Variants in BTG2 observed in about 807,000 individuals in gnomAD.
BTG2 encodes the protein protein BTG2.
A neutral mutation model predicts 13.1 loss-of-function variants in BTG2; 9 were observed. The observed-to-expected ratio is 0.69, with a 90% confidence interval of 0.41 to 1.20. BTG2 has a LOEUF of 1.20. Ranked by LOEUF, BTG2 falls within the 50% of genes most tolerant of loss-of-function variation. The probability of loss-of-function intolerance (pLI) is 0.00; values close to 1 mark genes in which losing one functional copy is unlikely to be tolerated. For synonymous variants in BTG2, 92 were observed against 88.6 expected (o/e 1.04, Z -0.21); for missense variants, 200 against 209.5 (o/e 0.95, Z 0.28).
rs57122004 is a variant in BTG2 at position 203,307,087 on chromosome 1, T to G, written c.143-17T>G. 1.2e-6 allele frequency: 2 copies of G among 1,609,056 alleles called. No individual in the cohort carries two copies. The highest frequency in any genetic ancestry group is 2.7e-5 in the African/African-American group (2 of 74,806). ...CTGCTCTAACCAGGGCATCTGCCCCTGGTCCTGTCTCCACAGAGCACTACA... is the reference window on the plus strand; with the variant it reads ...CTGCTCTAACCAGGGCATCTGCCCCGGGTCCTGTCTCCACAGAGCACTACA... On this transcript the variant is annotated splice_polypyrimidine_tract_variant and intron_variant, in intron 1 of 1. Coordinates refer to ENST00000290551, the MANE Select transcript of BTG2 (RefSeq NM_006763.3).
Position 203,305,648 on chromosome 1 carries a change from C to A in BTG2, c.42C>A (p.Ala14=), listed in dbSNP as rs1172115154. The A allele has an allele frequency of 4.4e-6, 7 of 1,585,668 alleles. No individual in the cohort carries two copies. The highest frequency in any genetic ancestry group is 6.0e-6 in the Non-Finnish European group (7 of 1,166,478). ...GAACCGACATGCTCCCGGAGATCGC[C>A]GCCGCCGTGGGCTTCCTCTCCAGCC... ...GKGTDMLPEI[A]AAVGFLSSLL... The change falls in exon 1 of 2, where the codon GCC becomes GCA. Residue 14 remains alanine, a synonymous_variant. Transcript: ENST00000290551.
rs1180672774 is a variant in BTG2, at chr1:203,307,414, C to T, written c.453C>T (p.Asn151=). The stretch of plus-strand genomic sequence containing the variant: ...TGGGCCGGAGCAGCCCCTCCAAGAA[C>T]TACGTGATGGCAGTCTCCAGCTAGG... ...VLLGRSSPSK[N]YVMAVSS Residue 151 remains asparagine, a synonymous_variant, in exon 2 of 2, where the codon AAC becomes AAT. Transcript: ENST00000290551. The T allele has an allele frequency of 1.3e-6, 2 of 1,596,766 alleles. No individual in the cohort carries two copies. Among genetic ancestry groups the T allele is most frequent in the South Asian group, 2.2e-5 (2 of 90,182 alleles).
In BTG2 at chr1:203,307,371, G is replaced by T; in HGVS notation, c.410G>T (p.Cys137Phe). The change falls in exon 2 of 2, where the codon TGC (cysteine) becomes TTC (phenylalanine). Residue 137 changes from cysteine (C) to phenylalanine (F), a missense_variant. Cys to Phe is a radical substitution (Grantham distance 205). Coordinates refer to ENST00000290551, the MANE Select transcript of BTG2 (RefSeq NM_006763.3). ...GCCGCCTCCTGTGGGCTCCTCACCT[G>T]CAAGAACCAAGTGCTGCTGGGCCGG... The part of the protein sequence containing the change: ...PLAASCGLLT[C>F]KNQVLLGRSS... The T allele has an allele frequency of 6.2e-7, 1 of 1,612,138 alleles. No homozygotes were observed. Among genetic ancestry groups the T allele is most frequent in the Non-Finnish European group, 8.5e-7 (1 of 1,178,474 alleles).
chr1:203,306,427 T>G (rs545240887), intron 1 of BTG2, among the ~76,000 whole-genome samples: 3 of 152,196 alleles, frequency 2.0e-5, no homozygotes, highest in Admixed American at 6.5e-5. Context: ...CCCAGCTGTT[T>G]CTAGCTGGTT....
In BTG2 at chr1:203,308,812, A is replaced by T. The variant is rs2102286737; in HGVS notation, c.*1374A>T. 1 of 152,774 alleles carries T rather than the reference A, an allele frequency of 6.5e-6. No individual in the cohort carries two copies. The highest frequency in any genetic ancestry group is 2.4e-5 in the African/African-American group (1 of 41,564). The allele number at this position is 152,774 out of a possible 1,614,324, so 9.5% of individuals were successfully genotyped here. ...ATCCAAATTTGTCGTAGACTTGTGC[A>T]ATATATACTGTTGTGGGTTGGAGAA... On this transcript the variant is annotated 3_prime_UTR_variant, in exon 2 of 2. Coordinates refer to ENST00000290551, the MANE Select transcript of BTG2 (RefSeq NM_006763.3).
At chr1:203,306,258 T>C (rs564089313) in intron 1 of BTG2, among the ~76,000 whole-genome samples, 1 of 152,282 alleles carries the variant, frequency 6.6e-6, no homozygotes, top group African/African-American at 2.4e-5. Context: ...CAAGTTGGAA[T>C]TTGGGCCCCC....
rs573806620 is a variant in BTG2, at chr1:203,306,830, T to A, written c.143-274T>A. Reference sequence around the variant, plus strand: ...CACACACACACACACACTCTCTCTCTCACACACACACACTCAGTCACACAC... The same window carrying A: ...CACACACACACACACACTCTCTCTCACACACACACACACTCAGTCACACAC... On this transcript the variant is annotated intron_variant, in intron 1 of 1. Transcript: ENST00000290551. 2.9e-3 allele frequency among the ~76,000 whole-genome samples: 398 copies of A among 136,614 alleles called. 2 individuals are homozygous for A. Among genetic ancestry groups the A allele is most frequent in the African/African-American group, 9.1e-3 (351 of 38,496 alleles). 89.6% of individuals were successfully genotyped at this position (136,614 alleles called of 152,430 possible).
At position 203,307,552 on chromosome 1, in the gene BTG2, TA is replaced by T. The variant is rs569803446; in HGVS notation, c.*115del. 9.2e-5 allele frequency: 73 copies of T among 797,508 alleles called. No homozygotes were observed. The highest frequency in any genetic ancestry group is 7.2e-4 in the African/African-American group (40 of 55,606). The allele number at this position is 797,508 out of a possible 1,614,324, so 49.4% of individuals were successfully genotyped here. On this transcript the variant is annotated 3_prime_UTR_variant, in exon 2 of 2. Transcript: ENST00000290551. ...TAAATGAAGAGCTATTTATATATATTATTTTTTTTTAAGAAAGGAGGAAAAG... is the reference window on the plus strand; with the variant it reads ...TAAATGAAGAGCTATTTATATATATTTTTTTTTTTAAGAAAGGAGGAAAAG...
chr1:203,307,325 T>C lies in BTG2; in HGVS notation c.364T>C (p.Leu122=), dbSNP rs771882586. ...TGGGGAGGACGGCTCCATCTGCGTC[T>C]TGTACGAGGAGGCCCCACTGGCCGC... ...RIGEDGSICV[L]YEEAPLAASC... The change falls in exon 2 of 2, where the codon TTG becomes CTG. Residue 122 remains leucine (L), a synonymous_variant. Coordinates refer to ENST00000290551, the MANE Select transcript of BTG2 (RefSeq NM_006763.3). The C allele has an allele frequency of 1.8e-5, 29 of 1,614,084 alleles. No homozygotes were observed. The highest frequency in any genetic ancestry group is 2.5e-5 in the Non-Finnish European group (29 of 1,179,956).
chr1:203,306,376 G>A (rs1658273856), intron 1 of BTG2, among the ~76,000 whole-genome samples: 1 of 152,196 alleles, frequency 6.6e-6, no homozygotes, highest in Admixed American at 6.5e-5. Context: ...GGGAGGTGAA[G>A]AGATAAGCAG....
rs1658330835 is a variant in BTG2 at position 203,308,806 on chromosome 1, T to G, written c.*1368T>G. On this transcript the variant is annotated 3_prime_UTR_variant, in exon 2 of 2. Coordinates refer to ENST00000290551, the MANE Select transcript of BTG2 (RefSeq NM_006763.3). ...AGTACAATCCAAATTTGTCGTAGAC[T>G]TGTGCAATATATACTGTTGTGGGTT... 1.3e-5 allele frequency: 2 copies of G among 152,684 alleles called. No individual in the cohort carries two copies. Among genetic ancestry groups the G allele is most frequent in the Non-Finnish European group, 2.9e-5 (2 of 68,052 alleles). The allele number at this position is 152,684 out of a possible 1,614,324, so 9.5% of individuals were successfully genotyped here. A position where few individuals can be genotyped will look rare whatever the true frequency, so the allele number is the denominator to read the frequency against.
rs755200538 is a variant in BTG2, at chr1:203,307,449, C to T, written c.*11C>T. On this transcript the variant is annotated 3_prime_UTR_variant, in exon 2 of 2. Coordinates refer to ENST00000290551, the MANE Select transcript of BTG2 (RefSeq NM_006763.3). The stretch of plus-strand genomic sequence containing the variant: ...GCAGTCTCCAGCTAGGCCCTTCCGC[C>T]CCCGCCCTGGGCGCCGCCGTGCTCA... 3.0e-5 allele frequency: 47 copies of T among 1,562,376 alleles called. No individual in the cohort carries two copies. The South Asian group carries it at 5.1e-4, about 17-fold the overall frequency.
At chr1:203,306,844 TCAGTCACACACACACACA>T (rs1558183737) in intron 1 of BTG2, among the ~76,000 whole-genome samples, 751 of 53,162 alleles carry the variant, frequency 0.014, 9 homozygotes, top group African/African-American at 0.068. Context: ...ACACACACAC[TCAGTCACACACACACACA>T]CACACACACA....
At position 203,307,434 on chromosome 1, in the gene BTG2, G is replaced by A; in HGVS notation, c.473G>A (p.Ser158Asn). Reference sequence around the variant, plus strand: ...AAGAACTACGTGATGGCAGTCTCCAGCTAGGCCCTTCCGCCCCCGCCCTGG... The same window carrying A: ...AAGAACTACGTGATGGCAGTCTCCAACTAGGCCCTTCCGCCCCCGCCCTGG... ...PSKNYVMAVS[S>N] The change falls in exon 2 of 2, where the codon AGC becomes AAC. Residue 158 changes from serine to asparagine, a missense_variant. By Grantham distance (46) the Ser-to-Asn change is conservative (BLOSUM62 1). Transcript: ENST00000290551. The A allele has an allele frequency of 3.8e-6, 6 of 1,579,194 alleles. No homozygotes were observed. The highest frequency in any genetic ancestry group is 5.2e-6 in the Non-Finnish European group (6 of 1,157,694).
intron 1 of BTG2, among the ~76,000 whole-genome samples, chr1:203,306,149 G>A (rs960402347): frequency 6.6e-6 from 1 of 152,334 alleles, no homozygotes; most frequent in African/African-American, 2.4e-5. Context: ...GGAAGAAGGT[G>A]CAGTCGAGCC....
Position 203,307,335 on chromosome 1 carries a change from A to T in BTG2, c.374A>T (p.Glu125Val), listed in dbSNP as rs936416828. ...EDGSICVLYEEAPLAASCGLL... is the reference protein window; with the variant it reads ...EDGSICVLYEVAPLAASCGLL... ...GGCTCCATCTGCGTCTTGTACGAGG[A>T]GGCCCCACTGGCCGCCTCCTGTGGG... Residue 125 changes from glutamate to valine, a missense_variant, in exon 2 of 2, where the codon GAG (glutamate) becomes GTG (valine). Glu to Val is a moderately radical substitution (Grantham distance 121, BLOSUM62 -2). Coordinates refer to ENST00000290551, the MANE Select transcript of BTG2 (RefSeq NM_006763.3). The T allele has an allele frequency of 1.2e-6, 2 of 1,613,816 alleles. No individual in the cohort carries two copies. Among genetic ancestry groups the T allele is most frequent in the Non-Finnish European group, 8.5e-7 (1 of 1,179,872 alleles).
Position 203,305,683 on chromosome 1 carries a change from C to T in BTG2, c.77C>T (p.Thr26Ile), listed in dbSNP as rs1658240414. ...GGCTTCCTCTCCAGCCTCCTGAGGA[C>T]CCGGGGCTGCGTGAGCGAGCAGAGG... is the stretch of plus-strand genomic sequence containing the variant. ...AVGFLSSLLR[T>I]RGCVSEQRLK... Residue 26 changes from threonine (T) to isoleucine (I), a missense_variant, in exon 1 of 2, where the codon ACC becomes ATC. By Grantham distance (89) the Thr-to-Ile change is moderately conservative (BLOSUM62 -1). Transcript: ENST00000290551. 1.3e-6 allele frequency: 2 copies of T among 1,563,728 alleles called. No individual in the cohort carries two copies. The highest frequency in any genetic ancestry group is 1.9e-5 in the Admixed American group (1 of 52,752).
In BTG2 at chr1:203,307,551, T is replaced by A; in HGVS notation, c.*113T>A. The A allele has an allele frequency of 1.2e-6, 1 of 802,198 alleles. No homozygotes were observed. Among genetic ancestry groups the A allele is most frequent in the Non-Finnish European group, 1.7e-6 (1 of 582,350 alleles). The allele number at this position is 802,198 out of a possible 1,614,324, so 49.7% of individuals were successfully genotyped here. A position where few individuals can be genotyped will look rare whatever the true frequency, so the allele number is the denominator to read the frequency against. On this transcript the variant is annotated 3_prime_UTR_variant, in exon 2 of 2. Transcript: ENST00000290551. ...TTAAATGAAGAGCTATTTATATATA[T>A]TATTTTTTTTTAAGAAAGGAGGAAA...
chr1:203,306,858 A>T (rs1422616739), intron 1 of BTG2, among the ~76,000 whole-genome samples: 1 of 95,898 alleles, frequency 1.0e-5, no homozygotes, highest in African/African-American at 6.6e-5. Context: ...TCACACACAC[A>T]CACACACACA....
Sources: allele counts gnomAD v4.1 joint callset (sites outside exome capture counted in the v4.1 genomes callset), GRCh38; gene constraint gnomAD v4.1.1; transcripts MANE v1.5; gene names NCBI Gene and HGNC (gene_info 2026-07-23, HGNC 2026-07-21).